BMPR1B: variants seen among roughly 807,000 people sequenced by gnomAD.
The protein encoded by BMPR1B is bone morphogenetic protein receptor type 1B.
A neutral mutation model predicts 59.1 loss-of-function variants in BMPR1B; 12 were observed. The ratio of observed to expected loss-of-function variants is 0.20; its 90% CI spans 0.13 to 0.33. BMPR1B has a LOEUF of 0.33. Among genes scored for constraint, BMPR1B ranks in the 10% least tolerant of loss-of-function variants. The pLI is 1.00. For synonymous variants in BMPR1B, 237 were observed against 207.3 expected (o/e 1.14, Z -1.23); for missense variants, 550 against 610.9 (o/e 0.90, Z 1.05).
At chr4:94,991,779 C>T (rs1721776210) in intron 2 of BMPR1B, among the ~76,000 whole-genome samples, 1 of 152,132 alleles carries the variant, frequency 6.6e-6, no homozygotes, top group South Asian at 2.1e-4. Flanking sequence ...AATGGGGAAG[C>T]AGTACAGGGC....
chr4:94,975,306 A>T (rs1730980417), intron 2 of BMPR1B, among the ~76,000 whole-genome samples: 1 of 150,298 alleles, frequency 6.7e-6, no homozygotes, highest in Non-Finnish European at 1.5e-5. Flanking sequence ...TAATTTAGTG[A>T]TCAAATCTGA....
At chr4:94,800,447 ATTTTTTT>A (rs71583665) in intron 1 of BMPR1B, among the ~76,000 whole-genome samples, 7 of 120,092 alleles carry the variant, frequency 5.8e-5, no homozygotes, top group Non-Finnish European at 1.2e-4. Flanking sequence ...GGTCTTTACT[ATTTTTTT>A]TTTTTTTTTT....
intron 1 of BMPR1B, among the ~76,000 whole-genome samples, chr4:94,794,158 G>C (rs1272560142): frequency 0.19 from 21,083 of 113,016 alleles, 2,569 homozygotes; most frequent in African/African-American, 0.32. Flanking sequence ...TTAGGTCTAA[G>C]GTTTAAGTCT....
chr4:95,061,369 A>G (rs1727380651), intron 3 of BMPR1B, among the ~76,000 whole-genome samples: 1 of 152,182 alleles, frequency 6.6e-6, no homozygotes, highest in Non-Finnish European at 1.5e-5. Context: ...TTCTGGAGGA[A>G]GCTCAGCAAT....
chr4:95,104,461 A>C lies in BMPR1B; in HGVS notation c.37A>C (p.Thr13Pro), dbSNP rs111612269. ...LRSAGKLNVG[T>P]KKEDGESTAP... The stretch of plus-strand genomic sequence containing the variant: ...AAGTGCAGGAAAATTAAATGTGGGC[A>C]CCAAGAAAGAGGATGGTGAGAGTAC... Residue 13 changes from threonine to proline, a missense_variant, in exon 4 of 13, where the codon ACC becomes CCC. This residue lies in a region of BMPR1B where 43 missense variants were observed against 35.4 expected (regional missense o/e 1.22). Coordinates refer to ENST00000515059, the MANE Select transcript of BMPR1B (RefSeq NM_001203.3). 1 of 1,613,362 alleles carries C rather than the reference A, an allele frequency of 6.2e-7. No individual in the cohort carries two copies. Among genetic ancestry groups the C allele is most frequent in the Non-Finnish European group, 8.5e-7 (1 of 1,179,630 alleles).
At chr4:94,910,378 T>G (rs965767944) in intron 2 of BMPR1B, among the ~76,000 whole-genome samples, 1 of 152,126 alleles carries the variant, frequency 6.6e-6, no homozygotes, top group African/African-American at 2.4e-5. Flanking sequence ...TCTCAGGTGA[T>G]AGTAGTGCTT....
intron 1 of BMPR1B, among the ~76,000 whole-genome samples, chr4:94,850,891 TC>T (rs1185600543): frequency 6.6e-6 from 1 of 152,228 alleles, no homozygotes; most frequent in African/African-American, 2.4e-5. Context: ...TGTTCTTTCT[TC>T]CATTTCCCAT....
At chr4:95,030,256 T>C (rs1193776121) in intron 3 of BMPR1B, among the ~76,000 whole-genome samples, 3 of 152,324 alleles carry the variant, frequency 2.0e-5, no homozygotes, top group East Asian at 1.9e-4. Flanking sequence ...TTAGGTCTAA[T>C]GTTTAAGTCT....
At chr4:94,770,393 G>A (rs916856018) in intron 1 of BMPR1B, among the ~76,000 whole-genome samples, 9 of 151,842 alleles carry the variant, frequency 5.9e-5, no homozygotes, top group African/African-American at 2.2e-4. Flanking sequence ...ACTTATTAAT[G>A]CATTATCCCA....
chr4:94,844,216 A>G (rs955634322), intron 1 of BMPR1B, among the ~76,000 whole-genome samples: 1 of 144,302 alleles, frequency 6.9e-6, no homozygotes, highest in Admixed American at 7.2e-5. Context: ...TCTATTCTGA[A>G]TCATCTTTGT....
chr4:95,148,410 G>T (rs866458826), intron 10 of BMPR1B, among the ~76,000 whole-genome samples: 2 of 148,092 alleles, frequency 1.4e-5, no homozygotes, highest in African/African-American at 5.0e-5. Flanking sequence ...TATCTTCATT[G>T]TTTTTTTTTT....
At chr4:94,830,685 A>G (rs192118690) in intron 1 of BMPR1B, among the ~76,000 whole-genome samples, 43 of 152,338 alleles carry the variant, frequency 2.8e-4, no homozygotes, top group Non-Finnish European at 1.5e-5. Context: ...AAGGAAATAC[A>G]GTCATGTGCA....
At chr4:94,952,565 C>T (rs534762584) in intron 2 of BMPR1B, among the ~76,000 whole-genome samples, 31 of 152,140 alleles carry the variant, frequency 2.0e-4, no homozygotes, top group Non-Finnish European at 2.8e-4. Flanking sequence ...TGTAGTTGTG[C>T]GGTTTTGAGT....
intron 1 of BMPR1B, among the ~76,000 whole-genome samples, chr4:94,809,351 T>A (rs1723727048): frequency 2.0e-5 from 3 of 152,188 alleles, no homozygotes; most frequent in African/African-American, 2.4e-5. Context: ...GTACTTAGAA[T>A]ACTCCGTTAT....
chr4:94,783,882 C>A (rs576765842), intron 1 of BMPR1B, among the ~76,000 whole-genome samples: 4 of 152,112 alleles, frequency 2.6e-5, no homozygotes, highest in Non-Finnish European at 4.4e-5. Flanking sequence ...GGTGGCCCCT[C>A]CCTCCTGGTG....
At chr4:94,891,819 A>G (rs1466107156) in intron 2 of BMPR1B, among the ~76,000 whole-genome samples, 2 of 152,088 alleles carry the variant, frequency 1.3e-5, no homozygotes, top group Admixed American at 1.3e-4. Context: ...TTTACAGAGA[A>G]AGAATGGTTT....
At chr4:95,091,209 C>A (rs1020099519) in intron 3 of BMPR1B, among the ~76,000 whole-genome samples, 1 of 152,040 alleles carries the variant, frequency 6.6e-6, no homozygotes, top group Non-Finnish European at 1.5e-5. Context: ...ACATAACACA[C>A]TGTGGTCAGT....
chr4:95,086,764 G>C (rs1729606334), intron 3 of BMPR1B, among the ~76,000 whole-genome samples: 1 of 141,900 alleles, frequency 7.0e-6, no homozygotes, highest in African/African-American at 2.5e-5. Context: ...TGTGTCGGTA[G>C]AGAGATCAGA....
chr4:94,955,827 C>T (rs13138219), intron 2 of BMPR1B, among the ~76,000 whole-genome samples: 10,449 of 152,036 alleles, frequency 0.069, 485 homozygotes, highest in South Asian at 0.13. Flanking sequence ...CAGGGTTTCA[C>T]CATATTGGTC....
Sources: gnomAD v4.1 joint callset for allele counts (sites outside exome capture counted in the v4.1 genomes callset) on GRCh38, gnomAD v4.1.1 for gene constraint, gnomAD v4.1.1 regional missense constraint, MANE v1.5 for transcripts, NCBI Gene and HGNC (gene_info 2026-07-23, HGNC 2026-07-21) for gene names.